STX8: variants seen among roughly 807,000 people sequenced by gnomAD.
STX8 encodes the protein syntaxin 8, also known as syntaxin-8.
A neutral mutation model predicts 37.5 loss-of-function variants in STX8; 23 were observed. That is an observed-to-expected ratio of 0.61 (90% CI 0.44 to 0.87). The LOEUF is 0.87. Ranked by LOEUF, STX8 falls within the 40% of genes least tolerant of loss-of-function variation. The pLI, the probability that STX8 is intolerant of heterozygous loss-of-function variation, is 0.00. For missense variants in STX8, 313 were observed against 284.7 expected (o/e 1.10, Z -0.71); for synonymous variants, 115 against 99.1 (o/e 1.16, Z -0.95).
At chr17:9,443,296 C>T (rs1174187694) in intron 6 of STX8, among the ~76,000 whole-genome samples, 1 of 152,196 alleles carries the variant, frequency 6.6e-6, no homozygotes, top group Non-Finnish European at 1.5e-5. Flanking sequence ...GGGCCTTCAA[C>T]TCTTTTCTCT....
chr17:9,382,171 TCACA>T (rs57809204), intron 6 of STX8, among the ~76,000 whole-genome samples: 41 of 147,016 alleles, frequency 2.8e-4, no homozygotes, highest in Middle Eastern at 3.5e-3. Flanking sequence ...AAGAAAACAC[TCACA>T]CACACACACA....
rs559822836 is a variant in STX8, at chr17:9,487,499, T to G, written c.541+4330A>C. The stretch of plus-strand genomic sequence containing the variant: ...ATGATGGTCTTGGCAGGGATATACT[T>G]TTTTATCCTCAGAGAGTCTCTTTTC... On this transcript the variant is annotated intron_variant, in intron 6 of 7. Coordinates refer to ENST00000306357, the MANE Select transcript of STX8 (RefSeq NM_004853.3). 2.0e-5 allele frequency among the ~76,000 whole-genome samples: 3 copies of G among 152,196 alleles called. No homozygotes were observed. In the South Asian group the frequency reaches 6.2e-4, roughly 32 times the overall value.
intron 6 of STX8, among the ~76,000 whole-genome samples, chr17:9,396,737 T>A (rs969925363): frequency 1.3e-5 from 2 of 150,300 alleles, no homozygotes; most frequent in South Asian, 4.2e-4. Context: ...AACAACTCTA[T>A]ATGATACTGT....
chr17:9,385,808 A>T (rs1911981024), intron 6 of STX8, among the ~76,000 whole-genome samples: 1 of 152,158 alleles, frequency 6.6e-6, no homozygotes, highest in Admixed American at 6.5e-5. Flanking sequence ...TTGCTCTATT[A>T]CCACCCTGGA....
intron 4 of STX8, among the ~76,000 whole-genome samples, chr17:9,508,337 T>A (rs1904909540): frequency 1.3e-5 from 2 of 152,168 alleles, no homozygotes; most frequent in Admixed American, 6.5e-5. Context: ...TATTTATTTA[T>A]TTTTTTGGAG....
At chr17:9,460,909 C>T (rs1413915719) in intron 6 of STX8, among the ~76,000 whole-genome samples, 6 of 150,976 alleles carry the variant, frequency 4.0e-5, no homozygotes, top group Non-Finnish European at 7.4e-5. Context: ...ATAATACTAA[C>T]TTCATAAGGT....
At chr17:9,379,700 G>A (rs1489537540) in intron 6 of STX8, among the ~76,000 whole-genome samples, 4 of 152,024 alleles carry the variant, frequency 2.6e-5, no homozygotes, top group Non-Finnish European at 2.9e-5. Flanking sequence ...TGGGCACGGT[G>A]GCTCACACCT....
At position 9,323,893 on chromosome 17, in the gene STX8, G is replaced by A. The variant is rs145374686; in HGVS notation, c.643+54659C>T. On this transcript the variant is annotated intron_variant, in intron 7 of 7. Transcript: ENST00000306357. ...GGGAACGAGAAGAATGGGAATGCAC[G>A]CAGGTGCTGGAGGTGAGCCCTGATC... Among the ~76,000 whole-genome samples the A allele has an allele frequency of 3.9e-5, 6 of 152,256 alleles. No homozygotes were observed. In the East Asian group the frequency reaches 7.7e-4, roughly 20 times the overall value.
chr17:9,512,145 T>C (rs1160540644), intron 4 of STX8, among the ~76,000 whole-genome samples: 1 of 152,180 alleles, frequency 6.6e-6, no homozygotes, highest in African/African-American at 2.4e-5. Flanking sequence ...AGAATTAATA[T>C]TGTTAAAATG....
rs1908752164 is a variant in STX8 at position 9,300,874 on chromosome 17, C to T, written c.644-50229G>A. Among the ~76,000 whole-genome samples, 8 of 144,976 alleles carry T rather than the reference C, an allele frequency of 5.5e-5. No homozygotes were observed. In the South Asian group the frequency reaches 1.8e-3, roughly 32 times the overall value. ...TTTTGAGACGGAGTCTCACTGTCACCCAGGCTGGAGTGCAGTGATGCAATC... is the reference window on the plus strand; with the variant it reads ...TTTTGAGACGGAGTCTCACTGTCACTCAGGCTGGAGTGCAGTGATGCAATC... On this transcript the variant is annotated intron_variant, in intron 7 of 7. Transcript: ENST00000306357.
chr17:9,417,450 G>C (rs1248433312), intron 6 of STX8, among the ~76,000 whole-genome samples: 1 of 151,900 alleles, frequency 6.6e-6, no homozygotes, highest in Non-Finnish European at 1.5e-5. Flanking sequence ...AGTTAGTTGG[G>C]GTATAATAAA....
chr17:9,255,437 G>C (rs1400990629), intron 7 of STX8, among the ~76,000 whole-genome samples: 1 of 152,094 alleles, frequency 6.6e-6, no homozygotes, highest in Non-Finnish European at 1.5e-5. Context: ...TGAGGCAGGA[G>C]AATCACTTGA....
intron 4 of STX8, among the ~76,000 whole-genome samples, chr17:9,532,490 C>G (rs1905860437): frequency 6.6e-6 from 1 of 151,896 alleles, no homozygotes; most frequent in African/African-American, 2.4e-5. Context: ...TCTGGAAGGG[C>G]ACACACACAG....
chr17:9,452,910 A>G (rs2142404955), intron 6 of STX8, among the ~76,000 whole-genome samples: 1 of 151,664 alleles, frequency 6.6e-6, no homozygotes, highest in Admixed American at 6.6e-5. Flanking sequence ...GGTTCAAGCT[A>G]TTCTCTTGCC....
intron 5 of STX8, among the ~76,000 whole-genome samples, chr17:9,504,490 C>T (rs1014960126): frequency 6.6e-6 from 1 of 152,088 alleles, no homozygotes; most frequent in Non-Finnish European, 1.5e-5. Flanking sequence ...ATCAAATTTG[C>T]TTGGACTTAG....
intron 7 of STX8, among the ~76,000 whole-genome samples, chr17:9,272,537 G>A (rs1288293958): frequency 6.6e-6 from 1 of 152,218 alleles, no homozygotes; most frequent in African/African-American, 2.4e-5. Flanking sequence ...ACAAGGGGGT[G>A]CCTTCTCACT....
intron 6 of STX8, among the ~76,000 whole-genome samples, chr17:9,427,408 A>G (rs543012187): frequency 3.3e-5 from 5 of 152,304 alleles, no homozygotes; most frequent in Admixed American, 6.5e-5. Flanking sequence ...AAGGAGCAGG[A>G]CAAAAATCCA....
At chr17:9,285,585 GCCCATCTGTT>G (rs1361723529) in intron 7 of STX8, among the ~76,000 whole-genome samples, 1 of 152,142 alleles carries the variant, frequency 6.6e-6, no homozygotes, top group Non-Finnish European at 1.5e-5. Context: ...ACAATGAGAT[GCCCATCTGTT>G]CCTGCATGGG....
chr17:9,250,749 A>G (rs938175835), intron 7 of STX8, 104 bp from the exon 8 acceptor site: 36 of 1,233,814 alleles, frequency 2.9e-5, no homozygotes, highest in Non-Finnish European at 4.1e-5. Flanking sequence ...GTTCCCTCTG[A>G]GCCTTCAGTT....
Sources: gnomAD v4.1 joint callset for allele counts (sites outside exome capture counted in the v4.1 genomes callset) on GRCh38, gnomAD v4.1.1 for gene constraint, MANE v1.5 for transcripts, NCBI Gene and HGNC (gene_info 2026-07-23, HGNC 2026-07-21) for gene names.